The following OSBPL6 variants were observed in gnomAD, a reference collection of about 807,000 sequenced individuals.
OSBPL6 encodes the protein oxysterol-binding protein-related protein 6.
OSBPL6 carries 49 observed loss-of-function variants against 125.8 expected under a neutral mutation model. The ratio of observed to expected loss-of-function variants is 0.39; its 90% confidence interval spans 0.31 to 0.49. OSBPL6 has a LOEUF of 0.49. Among genes scored for constraint, OSBPL6 ranks in the 20% least tolerant of loss-of-function variants. The probability of loss-of-function intolerance (pLI) is 0.88; values close to 1 mark genes in which losing one functional copy is unlikely to be tolerated. For missense variants in OSBPL6, 986 were observed against 1,135.4 expected, an observed-to-expected ratio of 0.87 and a Z score of 1.89; for synonymous variants, 394 against 391.8, an observed-to-expected ratio of 1.01 and a Z score of -0.07.
intron 1 of OSBPL6, among the ~76,000 whole-genome samples, chr2:178,228,354 T>G (rs546837757): frequency 6.6e-6 from 1 of 152,142 alleles, no homozygotes; most frequent in South Asian, 2.1e-4. Flanking sequence ...GCTAACATGG[T>G]GAAACACCAT....
intron 1 of OSBPL6, among the ~76,000 whole-genome samples, chr2:178,209,802 C>G (rs1425234752): frequency 1.3e-5 from 2 of 151,468 alleles, no homozygotes; most frequent in Non-Finnish European, 2.9e-5. Flanking sequence ...TTAGACTGGG[C>G]AGATTTCACA....
At chr2:178,346,431 T>C (rs1319921081) in intron 11 of OSBPL6, among the ~76,000 whole-genome samples, 1 of 152,246 alleles carries the variant, frequency 6.6e-6, no homozygotes, top group Non-Finnish European at 1.5e-5. Flanking sequence ...AGCAACTCCA[T>C]TGTCAATTCA....
At chr2:178,224,600 T>C (rs541018709) in intron 1 of OSBPL6, among the ~76,000 whole-genome samples, 3 of 152,344 alleles carry the variant, frequency 2.0e-5, no homozygotes, top group African/African-American at 4.8e-5. Context: ...TTTGTTTCTT[T>C]CATGAATCAG....
chr2:178,386,632 T>G (rs1575041759), intron 19 of OSBPL6, among the ~76,000 whole-genome samples: 2 of 152,212 alleles, frequency 1.3e-5, no homozygotes, highest in East Asian at 3.9e-4. Context: ...TTTTACCACT[T>G]AGTTAAAACT....
At chr2:178,340,898 T>C (rs897316240) in intron 11 of OSBPL6, among the ~76,000 whole-genome samples, 3 of 152,196 alleles carry the variant, frequency 2.0e-5, no homozygotes, top group African/African-American at 7.2e-5. Flanking sequence ...ACCCATGGTT[T>C]TTTTTTATTA....
At chr2:178,294,837 T>C (rs1221106348) in intron 2 of OSBPL6, among the ~76,000 whole-genome samples, 1 of 150,920 alleles carries the variant, frequency 6.6e-6, no homozygotes, top group Non-Finnish European at 1.5e-5. Flanking sequence ...TGAATTGAGC[T>C]AATTAACATG....
chr2:178,391,518 A>C lies in OSBPL6; in HGVS notation c.2446+301A>C, dbSNP rs374472060. Among the ~76,000 whole-genome samples the C allele has an allele frequency of 3.3e-5, 5 of 152,348 alleles. No homozygotes were observed. In the East Asian group the frequency reaches 5.8e-4, roughly 18 times the overall value. ...TACATTTGAAAAGCTAGGTATATTT[A>C]TTAAAGACTTTAGATAATTGAAGTA... On this transcript the variant is annotated intron_variant, in intron 22 of 24. Coordinates refer to ENST00000190611, the MANE Select transcript of OSBPL6 (RefSeq NM_032523.4).
At position 178,215,104 on chromosome 2, in the gene OSBPL6, A is replaced by AG. The variant is rs1425299746; in HGVS notation, c.-351+20430_-351+20431insG. On this transcript the variant is annotated intron_variant, in intron 1 of 24. Transcript: ENST00000190611. ...TAAAAGCAAAATTATCCTTTAAAAA[A>AG]AAAAAAAAGAAAAAACAGAAACAAA... Among the ~76,000 whole-genome samples the AG allele has an allele frequency of 2.0e-5, 3 of 152,136 alleles. No homozygotes were observed. In the East Asian group the frequency reaches 5.8e-4, roughly 29 times the overall value.
chr2:178,382,730 C>A, intron 16 of OSBPL6: 1 of 1,444,644 alleles, frequency 6.9e-7, no homozygotes, highest in South Asian at 1.5e-5. Flanking sequence ...TCCTCTTTCT[C>A]AAACCAACAG....
chr2:178,225,367 A>G (rs1165011929), intron 1 of OSBPL6, among the ~76,000 whole-genome samples: 5 of 152,256 alleles, frequency 3.3e-5, no homozygotes, highest in Non-Finnish European at 7.3e-5. Context: ...AGAGAGATGC[A>G]AATTTTACAG....
chr2:178,351,821 A>AACACTGG (rs56223076), intron 12 of OSBPL6, among the ~76,000 whole-genome samples: 5,329 of 152,262 alleles, frequency 0.035, 257 homozygotes, highest in East Asian at 0.21. Context: ...GGAAACAACA[A>AACACTGG]ACACTGGAGC....
chr2:178,392,776 G>T (rs1015245033), intron 23 of OSBPL6, among the ~76,000 whole-genome samples: 2 of 150,904 alleles, frequency 1.3e-5, no homozygotes, highest in African/African-American at 2.4e-5. Flanking sequence ...TGGGAGGATC[G>T]CTCGAGCCTA....
intron 1 of OSBPL6, among the ~76,000 whole-genome samples, chr2:178,244,724 C>T (rs930028819): frequency 1.3e-5 from 2 of 152,190 alleles, no homozygotes; most frequent in African/African-American, 4.8e-5. Context: ...GTTTCTGACA[C>T]TTGGTTAACA....
At chr2:178,259,079 G>C (rs35313685) in intron 1 of OSBPL6, among the ~76,000 whole-genome samples, 37,700 of 151,974 alleles carry the variant, frequency 0.25, 5,237 homozygotes, top group African/African-American at 0.38. Flanking sequence ...TCCAGTGACA[G>C]AGCTGTTTCT....
chr2:178,380,018 A>G (rs1694313592), intron 15 of OSBPL6, among the ~76,000 whole-genome samples: 1 of 152,232 alleles, frequency 6.6e-6, no homozygotes, highest in Admixed American at 6.5e-5. Context: ...TACAAATTCA[A>G]AATGTTTACA....
intron 19 of OSBPL6, among the ~76,000 whole-genome samples, chr2:178,386,077 A>G (rs1222011327): frequency 6.6e-6 from 1 of 152,258 alleles, no homozygotes; most frequent in Non-Finnish European, 1.5e-5. Context: ...AAGAATATTT[A>G]TGTAAATGTG....
chr2:178,392,323 A>C, intron 22 of OSBPL6, 89 bp from the exon 23 acceptor site: 1 of 1,394,564 alleles, frequency 7.2e-7, no homozygotes, highest in Non-Finnish European at 9.8e-7. Context: ...ATTTGGTGTT[A>C]GTGTAGGTAC....
At position 178,338,993 on chromosome 2, in the gene OSBPL6, C is replaced by T; in HGVS notation, c.793C>T (p.Leu265Phe). 1 of 1,608,558 alleles carries T rather than the reference C, an allele frequency of 6.2e-7. No individual in the cohort carries two copies. The highest frequency in any genetic ancestry group is 8.5e-7 in the Non-Finnish European group (1 of 1,176,722). The change falls in exon 10 of 25, where the codon CTT (leucine) becomes TTT (phenylalanine). Residue 265 changes from leucine (L) to phenylalanine (F), a missense_variant and splice_region_variant. Transcript: ENST00000190611. ...TTTTATTTCTGATTTCTTATTAGAT[C>T]TTGCACATTGCCAGTCAAACCTTGT... ...SEEMDRCAED[L>F]AHCQSNLVEL...
chr2:178,232,164 T>C (rs934022881), intron 1 of OSBPL6, among the ~76,000 whole-genome samples: 5 of 152,236 alleles, frequency 3.3e-5, no homozygotes, highest in African/African-American at 1.2e-4. Context: ...ACATTTGCTA[T>C]ATTTTGCTGC....
Sources: gnomAD v4.1 joint callset for allele counts (sites outside exome capture counted in the v4.1 genomes callset) on GRCh38, gnomAD v4.1.1 for gene constraint, MANE v1.5 for transcripts, NCBI Gene and HGNC (gene_info 2026-07-23, HGNC 2026-07-21) for gene names.